The following PTPRT variants were observed in gnomAD, a reference collection of about 807,000 sequenced individuals.
The protein encoded by PTPRT is protein tyrosine phosphatase receptor type T.
PTPRT carries 56 observed loss-of-function variants against 176.8 expected under a neutral mutation model. The observed-to-expected ratio is 0.32, with a 90% CI of 0.26 to 0.40. The LOEUF (loss-of-function observed/expected upper bound fraction) is 0.40, where lower values mean the gene tolerates loss of function less well. Ranked by LOEUF, PTPRT falls within the 10% of genes least tolerant of loss-of-function variation. The pLI is 1.00. For missense variants in PTPRT, 1,540 were observed against 1,908.2 expected, an observed-to-expected ratio of 0.81 and a Z score of 3.60; for synonymous variants, 783 against 739.0, an observed-to-expected ratio of 1.06 and a Z score of -0.96.
chr20:42,120,073 C>A, intron 19 of PTPRT, 102 bp from the exon 20 acceptor site: 1 of 1,034,894 alleles, frequency 9.7e-7, no homozygotes, highest in Non-Finnish European at 1.4e-6. Flanking sequence ...TTCTCATGGG[C>A]AAAATGAGAA....
chr20:42,084,777 G>C lies in PTPRT; in HGVS notation c.4041C>G (p.Pro1347=). The change falls in exon 29 of 31, where the codon CCC becomes CCG. Residue 1347 remains proline (P), a synonymous_variant. Transcript: ENST00000373187. ...YIGWPAYRDT[P]PSKRSLLKVV... ...CTTTGAGCAGAGAGCGCTTGGAGGG[G>C]GGCGTGTCCCGGTAGGCAGGCCAGC... The C allele has an allele frequency of 6.4e-7, 1 of 1,558,600 alleles. No homozygotes were observed. The highest frequency in any genetic ancestry group is 8.7e-7 in the Non-Finnish European group (1 of 1,148,118).
chr20:42,449,671 C>T (rs1199117158), intron 8 of PTPRT, among the ~76,000 whole-genome samples: 1 of 152,164 alleles, frequency 6.6e-6, no homozygotes, highest in Non-Finnish European at 1.5e-5. Context: ...GGGAACTAAA[C>T]ACCTGTCTGT....
At chr20:42,098,811 G>A (rs777981782) in intron 26 of PTPRT, among the ~76,000 whole-genome samples, 3 of 152,216 alleles carry the variant, frequency 2.0e-5, no homozygotes, top group Non-Finnish European at 4.4e-5. Flanking sequence ...TTTATGCCTC[G>A]GAGCTCAGCA....
intron 29 of PTPRT, among the ~76,000 whole-genome samples, chr20:42,082,246 C>T (rs1316128682): frequency 6.6e-6 from 1 of 152,200 alleles, no homozygotes. Context: ...CCAAGTTCCC[C>T]ACTTGTATAA....
At chr20:42,737,792 C>A (rs1169288530) in intron 6 of PTPRT, among the ~76,000 whole-genome samples, 1 of 152,156 alleles carries the variant, frequency 6.6e-6, no homozygotes, top group African/African-American at 2.4e-5. Flanking sequence ...GCAGCCCTGG[C>A]AAACTAATAC....
At chr20:42,213,888 G>A (rs1217914387) in intron 15 of PTPRT, among the ~76,000 whole-genome samples, 3 of 152,160 alleles carry the variant, frequency 2.0e-5, no homozygotes, top group African/African-American at 7.2e-5. Context: ...TCTAGTTTGT[G>A]AGACATTGGT....
At chr20:42,309,516 A>C (rs533649760) in intron 12 of PTPRT, among the ~76,000 whole-genome samples, 1 of 152,342 alleles carries the variant, frequency 6.6e-6, no homozygotes, top group Admixed American at 6.5e-5. Flanking sequence ...TCTTTTATCT[A>C]TGGTGAAAAT....
intron 7 of PTPRT, among the ~76,000 whole-genome samples, chr20:42,497,848 C>T (rs2071682862): frequency 6.6e-6 from 1 of 152,118 alleles, no homozygotes; most frequent in Admixed American, 6.6e-5. Context: ...GCTGGTATAG[C>T]TGTGGTGATC....
intron 16 of PTPRT, among the ~76,000 whole-genome samples, chr20:42,184,552 C>CTTCTTG (rs1990665889): frequency 1.7e-5 from 2 of 115,226 alleles, no homozygotes; most frequent in Non-Finnish European, 3.5e-5. Context: ...TCTTCTTCTT[C>CTTCTTG]TTCTTCTTAT....
At chr20:42,828,009 T>C (rs1024144473) in intron 2 of PTPRT, among the ~76,000 whole-genome samples, 2 of 152,152 alleles carry the variant, frequency 1.3e-5, no homozygotes, top group African/African-American at 4.8e-5. Context: ...TATAAGGATG[T>C]CCAAAAATGT....
At chr20:43,083,321 T>TGTATATATATATATATATAC (rs1491174501) in intron 1 of PTPRT, among the ~76,000 whole-genome samples, 2,422 of 11,374 alleles carry the variant, frequency 0.21, 309 homozygotes, top group Non-Finnish European at 0.26. Flanking sequence ...ACTTCAAATG[T>TGTATATATATATATATATAC]ATATATATAT....
At chr20:42,914,852 T>TA (rs762849881) in intron 1 of PTPRT, among the ~76,000 whole-genome samples, 80 of 151,020 alleles carry the variant, frequency 5.3e-4, no homozygotes, top group Non-Finnish European at 9.9e-4. Flanking sequence ...TGTTATTCTG[T>TA]AAAAAATCCT....
chr20:42,739,292 A>C (rs114932620), intron 6 of PTPRT, among the ~76,000 whole-genome samples: 105,810 of 147,718 alleles, frequency 0.72, 37,082 homozygotes, highest in East Asian at 0.84. Context: ...AGGGAGAGAT[A>C]AAAAAAAAGC....
intron 13 of PTPRT, 46 bp from the exon 14 acceptor site, chr20:42,248,868 A>G (rs1345918737): frequency 1.2e-6 from 2 of 1,601,604 alleles, no homozygotes; most frequent in African/African-American, 2.7e-5. Flanking sequence ...GCACCCAAAC[A>G]TGCGACTAGA....
chr20:42,469,098 T>C (rs1440556028), intron 8 of PTPRT, among the ~76,000 whole-genome samples: 1 of 152,120 alleles, frequency 6.6e-6, no homozygotes, highest in East Asian at 1.9e-4. Flanking sequence ...TTTTCTCCTG[T>C]GATTCACCAC....
chr20:42,497,442 T>C (rs1442409563), intron 7 of PTPRT, among the ~76,000 whole-genome samples: 1 of 152,022 alleles, frequency 6.6e-6, no homozygotes, highest in Non-Finnish European at 1.5e-5. Context: ...TCTCCTGTTA[T>C]CTTGATTTTT....
intron 6 of PTPRT, among the ~76,000 whole-genome samples, chr20:42,727,660 G>A (rs1261848680): frequency 2.0e-5 from 3 of 150,912 alleles, no homozygotes; most frequent in Non-Finnish European, 2.9e-5. Context: ...GTTCAATTCA[G>A]TAGAAAGTTT....
rs577605013 is a variant in PTPRT, at chr20:43,142,737, T to C, written c.88+46909A>G. ...CTACCCAAAGACAACTGTGTGCCTATGGTGTACCAGATTCCACCCAAGGGG... is the reference window on the plus strand; with the variant it reads ...CTACCCAAAGACAACTGTGTGCCTACGGTGTACCAGATTCCACCCAAGGGG... On this transcript the variant is annotated intron_variant, in intron 1 of 30. Coordinates refer to ENST00000373187, the MANE Select transcript of PTPRT (RefSeq NM_007050.6). 1.2e-4 allele frequency among the ~76,000 whole-genome samples: 19 copies of C among 152,344 alleles called. No homozygotes were observed. The East Asian group carries it at 3.5e-3, about 28-fold the overall frequency.
Position 42,350,715 on chromosome 20 carries a change from T to G in PTPRT, c.1778A>C (p.Glu593Ala). Residue 593 changes from glutamate (E) to alanine (A), a missense_variant, in exon 11 of 31, where the codon GAG becomes GCG. Physicochemically the swap from Glu to Ala is moderately radical, Grantham distance 107. Coordinates refer to ENST00000373187, the MANE Select transcript of PTPRT (RefSeq NM_007050.6). ...ATTCAATGGGGTGTCTGTGTCGTAC[T>G]CAGGCATGGATGGAGCTGGACAGGA... ...ATKISAPSMP[E>A]YDTDTPLNET... The G allele has an allele frequency of 6.2e-7, 1 of 1,612,698 alleles. No homozygotes were observed. The highest frequency in any genetic ancestry group is 8.5e-7 in the Non-Finnish European group (1 of 1,178,740).
Sources: gnomAD v4.1 joint callset for allele counts (sites outside exome capture counted in the v4.1 genomes callset) on GRCh38, gnomAD v4.1.1 for gene constraint, MANE v1.5 for transcripts, NCBI Gene and HGNC (gene_info 2026-07-23, HGNC 2026-07-21) for gene names.